Variants in CNOT6L observed in about 807,000 individuals in gnomAD.
The protein encoded by CNOT6L is CCR4-NOT transcription complex subunit 6-like.
A neutral mutation model predicts 64.0 loss-of-function variants in CNOT6L; 7 were observed. That is an observed-to-expected ratio of 0.11 (90% CI 0.06 to 0.21). CNOT6L has a LOEUF of 0.21. Ranked by LOEUF, CNOT6L falls within the 10% of genes least tolerant of loss-of-function variation. CNOT6L has a pLI of 1.00. For synonymous variants in CNOT6L, 193 were observed against 243.4 expected, an observed-to-expected ratio of 0.79 and a Z score of 1.93; for missense variants, 245 against 669.0, an observed-to-expected ratio of 0.37 and a Z score of 6.99.
At chr4:77,819,132 G>T in intron 1 of CNOT6L, 172 bp downstream of exon 1, 1 of 1,271,572 alleles carries the variant, frequency 7.9e-7, no homozygotes, top group Non-Finnish European at 1.1e-6. Flanking sequence ...GCCCCCTCCA[G>T]TCACCCGACA....
Position 77,746,998 on chromosome 4 carries a change from A to G in CNOT6L, c.559+1318T>C, listed in dbSNP as rs937503874. ...ATTTTGTAGTGTTATTAAAATGCAA[A>G]TAGAACCATGAAGAGGCTATATATC... is the stretch of plus-strand genomic sequence containing the variant. On this transcript the variant is annotated intron_variant, in intron 6 of 11. Transcript: ENST00000504123. Among the ~76,000 whole-genome samples the G allele has an allele frequency of 3.3e-5, 5 of 152,076 alleles. 1 individual carries two copies. The East Asian group carries it at 9.6e-4, about 29-fold the overall frequency.
At chr4:77,766,544 G>GA (rs71661131) in intron 4 of CNOT6L, among the ~76,000 whole-genome samples, 2,946 of 144,142 alleles carry the variant, frequency 0.02, 29 homozygotes, top group Middle Eastern at 0.029. Flanking sequence ...AACTGGAAAA[G>GA]AAAAAAAAAA....
intron 4 of CNOT6L, among the ~76,000 whole-genome samples, chr4:77,768,474 A>ATATATATATATATAT (rs1727124850): frequency 2.5e-3 from 32 of 13,044 alleles, no homozygotes; most frequent in Non-Finnish European, 4.1e-3. Context: ...AAAATAAATA[A>ATATATATATATATAT]ATATATATAT....
intron 8 of CNOT6L, among the ~76,000 whole-genome samples, chr4:77,734,024 C>T (rs1722702287): frequency 6.6e-6 from 1 of 152,110 alleles, no homozygotes; most frequent in Non-Finnish European, 1.5e-5. Context: ...CCCAAAGGTG[C>T]AGTACCTATA....
chr4:77,808,165 G>GA (rs1732467360), intron 1 of CNOT6L, among the ~76,000 whole-genome samples: 1 of 152,006 alleles, frequency 6.6e-6, no homozygotes, highest in Non-Finnish European at 1.5e-5. Flanking sequence ...TCCCTTCATA[G>GA]AAAAAAGCTT....
intron 1 of CNOT6L, among the ~76,000 whole-genome samples, chr4:77,802,607 T>C (rs1195293828): frequency 6.6e-6 from 1 of 152,186 alleles, no homozygotes; most frequent in Non-Finnish European, 1.5e-5. Context: ...TGATAGAAGA[T>C]GGAGTTTATG....
intron 10 of CNOT6L, among the ~76,000 whole-genome samples, chr4:77,728,046 C>CT (rs1722066735): frequency 6.6e-6 from 1 of 151,982 alleles, no homozygotes; most frequent in Non-Finnish European, 1.5e-5. Context: ...GAGTAATAGT[C>CT]TAATGTTTTC....
chr4:77,767,395 A>G (rs1346949518), intron 4 of CNOT6L, among the ~76,000 whole-genome samples: 1 of 152,180 alleles, frequency 6.6e-6, no homozygotes, highest in East Asian at 1.9e-4. Context: ...AAACACTGCT[A>G]AAGAAAAATG....
chr4:77,759,662 G>A (rs564189024), intron 4 of CNOT6L, among the ~76,000 whole-genome samples: 4 of 151,818 alleles, frequency 2.6e-5, no homozygotes, highest in South Asian at 2.1e-4. Context: ...AGCGACAACA[G>A]GAGCTAGAAT....
chr4:77,789,899 G>C (rs983254645), intron 1 of CNOT6L, among the ~76,000 whole-genome samples: 1 of 142,400 alleles, frequency 7.0e-6, no homozygotes, highest in African/African-American at 2.6e-5. Context: ...TGCAGTGACC[G>C]GTGATTGTGC....
chr4:77,726,715 A>G (rs1721889247), intron 10 of CNOT6L, among the ~76,000 whole-genome samples: 1 of 152,232 alleles, frequency 6.6e-6, no homozygotes, highest in Admixed American at 6.5e-5. Flanking sequence ...TGTTTTTGGA[A>G]AATTATTCCA....
chr4:77,768,101 T>C (rs545126447), intron 4 of CNOT6L, among the ~76,000 whole-genome samples: 10 of 151,952 alleles, frequency 6.6e-5, no homozygotes, highest in African/African-American at 1.9e-4. Context: ...AAGGGCAAGA[T>C]TTCTGTTATT....
At chr4:77,754,146 T>C (rs1725190747) in intron 5 of CNOT6L, among the ~76,000 whole-genome samples, 1 of 152,148 alleles carries the variant, frequency 6.6e-6, no homozygotes, top group Non-Finnish European at 1.5e-5. Context: ...GACATAATTG[T>C]ATACATTAAA....
chr4:77,723,906 A>C (rs1256356290), intron 11 of CNOT6L, among the ~76,000 whole-genome samples: 2 of 152,206 alleles, frequency 1.3e-5, no homozygotes, highest in African/African-American at 4.8e-5. Flanking sequence ...AGGAAGGTGG[A>C]TTAATGTCCC....
intron 1 of CNOT6L, among the ~76,000 whole-genome samples, chr4:77,813,428 A>C (rs1220446130): frequency 2.0e-5 from 3 of 152,198 alleles, no homozygotes; most frequent in Non-Finnish European, 2.9e-5. Flanking sequence ...ATTTCACTTC[A>C]TCAAGCTAAA....
intron 1 of CNOT6L, among the ~76,000 whole-genome samples, chr4:77,793,904 A>C (rs993421543): frequency 9.2e-5 from 14 of 152,062 alleles, no homozygotes; most frequent in African/African-American, 3.1e-4. Flanking sequence ...TAATCCCAGC[A>C]CTATGGGAAG....
At chr4:77,754,913 A>AAAAAAAAAT (rs397994114) in intron 5 of CNOT6L, among the ~76,000 whole-genome samples, 1 of 143,680 alleles carries the variant, frequency 7.0e-6, no homozygotes, top group African/African-American at 2.6e-5. Context: ...AAAAAAAAAA[A>AAAAAAAAAT]CCGGTTTCTA....
chr4:77,816,112 A>G (rs541556886), intron 1 of CNOT6L, among the ~76,000 whole-genome samples: 10 of 152,320 alleles, frequency 6.6e-5, no homozygotes, highest in Non-Finnish European at 7.4e-5. Context: ...TAAAATCTAA[A>G]CAAGTTTCCA....
intron 1 of CNOT6L, among the ~76,000 whole-genome samples, chr4:77,801,430 T>C (rs1578002081): frequency 6.6e-6 from 1 of 152,134 alleles, no homozygotes; most frequent in East Asian, 1.9e-4. Flanking sequence ...TTAAAACTCA[T>C]TACCTTCCTC....
Sources: gnomAD v4.1 joint callset for allele counts (sites outside exome capture counted in the v4.1 genomes callset) on GRCh38, gnomAD v4.1.1 for gene constraint, MANE v1.5 for transcripts, NCBI Gene and HGNC (gene_info 2026-07-23, HGNC 2026-07-21) for gene names.